The following FERRY3 variants were observed in gnomAD, a reference collection of about 807,000 sequenced individuals.
FERRY3 encodes the protein protein C12orf4.
At chr12:4,490,446 C>A in the FERRY3 span, 1 of 1,174,336 alleles carries the variant, frequency 8.5e-7, no homozygotes, top group South Asian at 1.5e-5. Context: ...GATTTTAGGG[C>A]AGGATGCCTA....
chr12:4,535,492 G>C, the FERRY3 span, among the ~76,000 whole-genome samples: 1 of 152,206 alleles, frequency 6.6e-6, no homozygotes, highest in Admixed American at 6.5e-5. This position sits in a 1 kb window ranked among gnomAD's most constrained non-coding sequence, Gnocchi z 4.0. Flanking sequence ...ACTCTAACCT[G>C]TGATCTAACA....
At chr12:4,518,643 A>G in the FERRY3 span, 1 of 595,776 alleles carries the variant, frequency 1.7e-6, no homozygotes, top group Non-Finnish European at 2.8e-6. Flanking sequence ...GGATTGCTTG[A>G]GCCCAGGGGT....
At chr12:4,518,901 G>C in the FERRY3 span, 1 of 1,446,384 alleles carries the variant, frequency 6.9e-7, no homozygotes, top group South Asian at 1.3e-5. Context: ...TAAAATTATT[G>C]ATATACTTTT....
At chr12:4,518,184 T>C in the FERRY3 span, 5 of 1,614,154 alleles carry the variant, frequency 3.1e-6, no homozygotes, top group Non-Finnish European at 3.4e-6. Context: ...CGATGATTTC[T>C]TTTATGCTTA....
At chr12:4,519,680 G>C in the FERRY3 span, among the ~76,000 whole-genome samples, 1 of 152,186 alleles carries the variant, frequency 6.6e-6, no homozygotes, top group East Asian at 1.9e-4. The surrounding 1 kb of genome is among the most constrained non-coding windows in gnomAD (Gnocchi z 4.3). Flanking sequence ...AGGCCTGTTA[G>C]GAACCGGGCC....
chr12:4,501,991 T>C, the FERRY3 span, among the ~76,000 whole-genome samples: 2 of 152,168 alleles, frequency 1.3e-5, no homozygotes, highest in African/African-American at 4.8e-5. Flanking sequence ...TTTTGTTTAG[T>C]TCTTCAAACA....
the FERRY3 span, among the ~76,000 whole-genome samples, chr12:4,530,325 G>A: frequency 6.6e-6 from 1 of 152,166 alleles, no homozygotes; most frequent in Non-Finnish European, 1.5e-5. Context: ...GATAGGAAGT[G>A]TCCACAATAA....
At chr12:4,538,247 C>G in the FERRY3 span, among the ~76,000 whole-genome samples, 1 of 152,192 alleles carries the variant, frequency 6.6e-6, no homozygotes, top group Non-Finnish European at 1.5e-5. Flanking sequence ...AAGGTCTGGA[C>G]CGAACACACA....
At chr12:4,520,036 A>G in the FERRY3 span, among the ~76,000 whole-genome samples, 1 of 152,262 alleles carries the variant, frequency 6.6e-6, no homozygotes, top group African/African-American at 2.4e-5. Context: ...CCAAGGACAG[A>G]CAGGACACAT....
the FERRY3 span, among the ~76,000 whole-genome samples, chr12:4,501,283 TAC>T: frequency 2.0e-5 from 3 of 152,236 alleles, no homozygotes; most frequent in Admixed American, 1.3e-4. Context: ...CTTGTCCACC[TAC>T]ATACCAATTC....
At chr12:4,490,445 G>T in the FERRY3 span, 1 of 1,165,710 alleles carries the variant, frequency 8.6e-7, no homozygotes, top group Non-Finnish European at 1.2e-6. Flanking sequence ...GGATTTTAGG[G>T]CAGGATGCCT....
chr12:4,488,122 A>T, the FERRY3 span: 7 of 152,244 alleles, frequency 4.6e-5, no homozygotes, highest in Non-Finnish European at 8.8e-5. This position sits in a 1 kb window ranked among gnomAD's most constrained non-coding sequence, Gnocchi z 4.9. Flanking sequence ...TTGCATGTGG[A>T]AAACGGACAT....
the FERRY3 span, among the ~76,000 whole-genome samples, chr12:4,528,299 T>G: frequency 6.6e-6 from 1 of 152,182 alleles, no homozygotes; most frequent in African/African-American, 2.4e-5. Flanking sequence ...AGAAAGTAAT[T>G]AATTAGTATT....
chr12:4,488,390 T>G, the FERRY3 span: 1 of 152,262 alleles, frequency 6.6e-6, no homozygotes, highest in Non-Finnish European at 1.5e-5. This position sits in a 1 kb window ranked among gnomAD's most constrained non-coding sequence, Gnocchi z 4.9. Context: ...TGATTAACAG[T>G]GGTGCCTGAA....
the FERRY3 span, among the ~76,000 whole-genome samples, chr12:4,531,705 C>G: frequency 6.6e-6 from 1 of 152,240 alleles, no homozygotes; most frequent in Non-Finnish European, 1.5e-5. Flanking sequence ...GAGGTTCAAA[C>G]CATTCAGCAC....
the FERRY3 span, among the ~76,000 whole-genome samples, chr12:4,536,491 A>G: frequency 1.3e-5 from 2 of 152,168 alleles, no homozygotes; most frequent in African/African-American, 2.4e-5. Context: ...AGGGTTCTCA[A>G]TAATAGGGAA....
At chr12:4,520,189 C>G in the FERRY3 span, among the ~76,000 whole-genome samples, 37 of 152,324 alleles carry the variant, frequency 2.4e-4, no homozygotes, top group East Asian at 1.2e-3. Flanking sequence ...GAGCCACAGG[C>G]ACATGAACTT....
the FERRY3 span, among the ~76,000 whole-genome samples, chr12:4,501,517 C>T: frequency 2.0e-5 from 3 of 152,088 alleles, no homozygotes; most frequent in African/African-American, 4.8e-5. Context: ...GCCTGAGTTC[C>T]GCCTCCTGTC....
the FERRY3 span, among the ~76,000 whole-genome samples, chr12:4,526,984 C>A: frequency 6.6e-6 from 1 of 152,018 alleles, no homozygotes; most frequent in African/African-American, 2.4e-5. Context: ...TCACTTAAAT[C>A]CCACTTAGTT....
Sources: allele counts gnomAD v4.1 joint callset (sites outside exome capture counted in the v4.1 genomes callset), GRCh38; gene constraint gnomAD v4.1.1; non-coding constraint Gnocchi (gnomAD v3.1); transcripts MANE v1.5; gene names NCBI Gene and HGNC (gene_info 2026-07-23, HGNC 2026-07-21).